The following COL4A4 variants were observed in gnomAD, a reference collection of about 807,000 sequenced individuals.
The protein encoded by COL4A4 is collagen type IV alpha 4 chain.
COL4A4 carries 105 observed loss-of-function variants against 192.9 expected under a neutral mutation model. The ratio of observed to expected loss-of-function variants is 0.54; its 90% confidence interval spans 0.46 to 0.64. COL4A4 has a LOEUF of 0.64. Ranked by LOEUF, COL4A4 falls within the 30% of genes least tolerant of loss-of-function variation. The probability of loss-of-function intolerance (pLI) is 0.00; values close to 1 mark genes in which losing one functional copy is unlikely to be tolerated. For synonymous variants in COL4A4, 762 were observed against 769.9 expected (o/e 0.99, Z 0.17); for missense variants, 1,967 against 2,169.3 (o/e 0.91, Z 1.85).
At chr2:227,124,137 G>C (rs1313532308) in intron 4 of COL4A4, among the ~76,000 whole-genome samples, 4 of 152,104 alleles carry the variant, frequency 2.6e-5, no homozygotes, top group Non-Finnish European at 5.9e-5. Context: ...CCCACCAGTA[G>C]AGAAACAAAA....
chr2:227,101,355 C>A, intron 17 of COL4A4, 149 bp downstream of exon 17: 2 of 689,236 alleles, frequency 2.9e-6, no homozygotes, highest in East Asian at 2.8e-5. Flanking sequence ...GAAAAACAGA[C>A]TAATGTAACA....
intron 15 of COL4A4, 109 bp from the exon 16 acceptor site, chr2:227,102,018 G>A (rs1317915953): frequency 1.3e-6 from 1 of 747,320 alleles, no homozygotes; most frequent in Non-Finnish European, 2.2e-6. Flanking sequence ...ATTTGGTCCT[G>A]TTTGCAAAGC....
rs1427148182 is a variant in COL4A4 at position 227,005,037 on chromosome 2, T to C, written c.*2288A>G. 2 of 152,154 alleles carry C rather than the reference T, an allele frequency of 1.3e-5. No individual in the cohort carries two copies. Among genetic ancestry groups the C allele is most frequent in the Non-Finnish European group, 2.9e-5 (2 of 68,034 alleles). 9.4% of individuals were successfully genotyped at this position (152,154 alleles called of 1,614,324 possible). On this transcript the variant is annotated 3_prime_UTR_variant, in exon 48 of 48. Coordinates refer to ENST00000396625, the MANE Select transcript of COL4A4 (RefSeq NM_000092.5). ...CAGGATCTTCTATTCCAAGAAGTTA[T>C]TTTTCCGCCCTTTTGATCCTTTAAA...
At chr2:227,101,306 TA>T (rs2150771331) in intron 17 of COL4A4, among the ~76,000 whole-genome samples, 197 bp downstream of exon 17, 1 of 152,322 alleles carries the variant, frequency 6.6e-6, no homozygotes, top group African/African-American at 2.4e-5. Context: ...CTTTCTTTTG[TA>T]AATTGTCCAG....
In COL4A4 at chr2:227,059,611, T is replaced by C. The variant is rs1455477268; in HGVS notation, c.2177A>G (p.Asp726Gly). Residue 726 changes from aspartate to glycine, a missense_variant, in exon 28 of 48, where the codon GAC (aspartate) becomes GGC (glycine). Coordinates refer to ENST00000396625, the MANE Select transcript of COL4A4 (RefSeq NM_000092.5). ...EIPGPPGFRG[D>G]MGDPGFGGEK... ...ACCTCCAAAACCCGGATCTCCCATG[T>C]CACCACGAAAACCTATTTAACAACA... 1.2e-6 allele frequency: 2 copies of C among 1,613,924 alleles called. No homozygotes were observed. The highest frequency in any genetic ancestry group is 1.7e-6 in the Non-Finnish European group (2 of 1,179,990).
At chr2:227,088,006 T>C (rs1199832635) in intron 22 of COL4A4, among the ~76,000 whole-genome samples, 1 of 152,200 alleles carries the variant, frequency 6.6e-6, no homozygotes, top group Non-Finnish European at 1.5e-5. Flanking sequence ...TCTGAAGCTC[T>C]AGGAGGGCAG....
At chr2:227,155,166 A>G (rs1013892564) in intron 1 of COL4A4, among the ~76,000 whole-genome samples, 4 of 152,160 alleles carry the variant, frequency 2.6e-5, no homozygotes, top group African/African-American at 7.2e-5. Flanking sequence ...GTGCTGGACT[A>G]TGGCCAAGCC....
chr2:227,100,950 G>A (rs985303458), intron 17 of COL4A4, among the ~76,000 whole-genome samples: 13 of 151,652 alleles, frequency 8.6e-5, no homozygotes, highest in South Asian at 2.1e-4. Flanking sequence ...GACTACAGGC[G>A]CCCACCACCA....
chr2:227,079,063 A>G (rs2059187029), intron 24 of COL4A4, among the ~76,000 whole-genome samples: 1 of 152,220 alleles, frequency 6.6e-6, no homozygotes, highest in Non-Finnish European at 1.5e-5. Flanking sequence ...GAGGCTTTCA[A>G]GTCAGGGCTG....
Position 227,089,907 on chromosome 2 carries a change from C to A in COL4A4, c.1420G>T (p.Val474Phe), listed in dbSNP as rs2059820784. The change falls in exon 21 of 48, where the codon GTT becomes TTT. Residue 474 changes from valine to phenylalanine, a missense_variant. Val to Phe is a conservative substitution (Grantham distance 50). Coordinates refer to ENST00000396625, the MANE Select transcript of COL4A4 (RefSeq NM_000092.5). ...GGGCCTCTTCCTCCTGGGGGACCAA[C>A]TTTGCCTTTTATTCCTTGTGGTCCG... Reference protein sequence around the residue: ...NPGPQGIKGKVGPPGGRGPKG... With the variant: ...NPGPQGIKGKFGPPGGRGPKG... The A allele has an allele frequency of 1.2e-6, 2 of 1,613,728 alleles. No homozygotes were observed. Among genetic ancestry groups the A allele is most frequent in the Middle Eastern group, 1.7e-4 (1 of 6,060 alleles).
Position 227,043,068 on chromosome 2 carries a change from T to A in COL4A4, c.3397+9A>T. On this transcript the variant is annotated intron_variant, in intron 36 of 47. Coordinates refer to ENST00000396625, the MANE Select transcript of COL4A4 (RefSeq NM_000092.5). ...GCTCAGGAAGTCTCCAGATTTCCTT[T>A]CAAGGTACCTGGGCACCCTGGTGGT... 6.2e-7 allele frequency: 1 copy of A among 1,605,036 alleles called. No homozygotes were observed. The highest frequency in any genetic ancestry group is 8.5e-7 in the Non-Finnish European group (1 of 1,172,968).
At chr2:227,115,587 A>G (rs1452674485) in intron 7 of COL4A4, among the ~76,000 whole-genome samples, 1 of 151,188 alleles carries the variant, frequency 6.6e-6, no homozygotes, top group Non-Finnish European at 1.5e-5. Flanking sequence ...TTCAATTCTT[A>G]ATATATCTTC....
intron 31 of COL4A4, among the ~76,000 whole-genome samples, chr2:227,052,841 C>A (rs1974420352): frequency 6.6e-6 from 1 of 152,192 alleles, no homozygotes; most frequent in South Asian, 2.1e-4. Context: ...ACACTTATCT[C>A]AATGTGGTAC....
intron 9 of COL4A4, among the ~76,000 whole-genome samples, chr2:227,111,037 T>A (rs1324364201): frequency 6.6e-6 from 1 of 152,232 alleles, no homozygotes; most frequent in Non-Finnish European, 1.5e-5. Flanking sequence ...AAGACTAATA[T>A]AATCATTGAA....
rs188803512 is a variant in COL4A4, at chr2:227,090,549, G to A, written c.1370-592C>T. On this transcript the variant is annotated intron_variant, in intron 20 of 47. Transcript: ENST00000396625. Reference sequence around the variant, plus strand: ...GGATTGCTTGAGGTCAGGAGTTTGAGACCAGCCTGGCCAACATGGTAAAAC... The same window carrying A: ...GGATTGCTTGAGGTCAGGAGTTTGAAACCAGCCTGGCCAACATGGTAAAAC... 1.7e-3 allele frequency among the ~76,000 whole-genome samples: 255 copies of A among 152,088 alleles called. 2 individuals carry two copies. Among genetic ancestry groups the A allele is most frequent in the African/African-American group, 5.9e-3 (243 of 41,478 alleles).
Position 227,003,987 on chromosome 2 carries a change from G to T in COL4A4, c.*3338C>A, listed in dbSNP as rs1232612458. 2 of 152,200 alleles carry T rather than the reference G, an allele frequency of 1.3e-5. No homozygotes were observed. The highest frequency in any genetic ancestry group is 6.5e-5 in the Admixed American group (1 of 15,274). The allele number at this position is 152,200 out of a possible 1,614,324, so 9.4% of individuals were successfully genotyped here. A position where few individuals can be genotyped will look rare whatever the true frequency, so the allele number is the denominator to read the frequency against. ...TAGGAAATGGTTTATACTTGTAACC[G>T]TCTTGCTGATGAAGACCTTATATGC... On this transcript the variant is annotated 3_prime_UTR_variant, in exon 48 of 48. Transcript: ENST00000396625.
At chr2:226,972,026 T>G in the COL4A4 span, among the ~76,000 whole-genome samples, 74,950 of 151,708 alleles carry the variant, frequency 0.49, 19,411 homozygotes, top group African/African-American at 0.66. Context: ...CCGTCATCTA[T>G]GTTTTAAGCC....
chr2:227,129,986 C>T (rs146695975), intron 4 of COL4A4, among the ~76,000 whole-genome samples: 77 of 152,270 alleles, frequency 5.1e-4, no homozygotes, highest in African/African-American at 1.8e-3. Flanking sequence ...CAGTCAGCCA[C>T]TGGGTGACAC....
intron 3 of COL4A4, among the ~76,000 whole-genome samples, chr2:227,143,419 C>T (rs2125334269): frequency 6.6e-6 from 1 of 152,272 alleles, no homozygotes; most frequent in Non-Finnish European, 1.5e-5. Context: ...AATCGCTTCC[C>T]ACAGACATCG....
Sources: allele counts gnomAD v4.1 joint callset (sites outside exome capture counted in the v4.1 genomes callset), GRCh38; gene constraint gnomAD v4.1.1; transcripts MANE v1.5; gene names NCBI Gene and HGNC (gene_info 2026-07-23, HGNC 2026-07-21).